Variants in EIF4E observed in about 807,000 individuals in gnomAD.
EIF4E encodes the protein eIF-4F 25 kDa subunit.
For synonymous variants in EIF4E, 71 were observed against 88.5 expected, an observed-to-expected ratio of 0.80 and a Z score of 1.11; for missense variants, 113 against 265.6, an observed-to-expected ratio of 0.43 and a Z score of 3.99.
intron 2 of EIF4E, among the ~76,000 whole-genome samples, chr4:98,898,591 T>C (rs1003677198): frequency 5.3e-5 from 8 of 151,112 alleles, no homozygotes; most frequent in Non-Finnish European, 2.9e-5. Context: ...AAAAAACAGA[T>C]GGCAAAAATG....
intron 1 of EIF4E, among the ~76,000 whole-genome samples, chr4:98,913,079 G>A (rs529640334): frequency 2.6e-5 from 4 of 151,572 alleles, no homozygotes; most frequent in East Asian, 1.9e-4. Context: ...GTAGTGGCAC[G>A]CGCCTGTAAT....
chr4:98,887,811 G>T lies in EIF4E; in HGVS notation c.285+78C>A. On this transcript the variant is annotated intron_variant, in intron 4 of 6. Coordinates refer to ENST00000450253, the MANE Select transcript of EIF4E (RefSeq NM_001968.5). The surrounding 1 kb of genome is among the most constrained non-coding windows in gnomAD (Gnocchi z 4.0). ...TCATCACACTATCAAATATTCCTAA[G>T]TTTATGGTAAGATTTCTTAATGAAT... 1 of 1,325,056 alleles carries T rather than the reference G, an allele frequency of 7.5e-7. No homozygotes were observed. The highest frequency in any genetic ancestry group is 1.1e-6 in the Non-Finnish European group (1 of 931,934). 82.1% of individuals were successfully genotyped at this position (1,325,056 alleles called of 1,614,324 possible).
At chr4:98,893,706 G>C (rs1290293278) in intron 2 of EIF4E, among the ~76,000 whole-genome samples, 1 of 152,170 alleles carries the variant, frequency 6.6e-6, no homozygotes, top group Non-Finnish European at 1.5e-5. Flanking sequence ...CTAAAGTCTT[G>C]AACGCTTCAA....
chr4:98,915,732 G>C (rs1560651753), intron 1 of EIF4E, among the ~76,000 whole-genome samples: 2 of 151,404 alleles, frequency 1.3e-5, no homozygotes, highest in East Asian at 4.0e-4. Flanking sequence ...AGTAGAGATG[G>C]GGTTTCGCCA....
intron 1 of EIF4E, 123 bp downstream of exon 1, chr4:98,928,972 T>C (rs759809342): frequency 1.3e-5 from 20 of 1,576,264 alleles, no homozygotes; most frequent in Admixed American, 5.5e-5. Context: ...AGGTCCAACA[T>C]GAAGGGGAAG....
At chr4:98,886,566 T>C in intron 5 of EIF4E, 1 of 408,082 alleles carries the variant, frequency 2.5e-6, no homozygotes, top group South Asian at 1.8e-5. Flanking sequence ...AATTAGAAAA[T>C]TAGCTGGGCA....
At chr4:98,925,752 T>G (rs1725838079) in intron 1 of EIF4E, among the ~76,000 whole-genome samples, 1 of 152,168 alleles carries the variant, frequency 6.6e-6, no homozygotes, top group African/African-American at 2.4e-5. Flanking sequence ...TGTTTATGAT[T>G]ATGCACAGCA....
intron 1 of EIF4E, among the ~76,000 whole-genome samples, chr4:98,903,721 C>CA (rs1724747594): frequency 6.6e-6 from 1 of 152,108 alleles, no homozygotes; most frequent in Non-Finnish European, 1.5e-5. Flanking sequence ...GTACTTAACC[C>CA]AACAGGAACT....
rs574435813 is a variant in EIF4E at position 98,891,604 on chromosome 4, A to T, written c.126-272T>A. ...CTGTATGATTCCACTTATATGAGGT[A>T]TAAGAAGTCAAATTCATAGAAACAA... On this transcript the variant is annotated intron_variant, in intron 2 of 6. Coordinates refer to ENST00000450253, the MANE Select transcript of EIF4E (RefSeq NM_001968.5). 3.1e-5 allele frequency: 12 copies of T among 382,828 alleles called. No individual in the cohort carries two copies. In the Admixed American group the frequency reaches 3.5e-4, roughly 11 times the overall value. The allele number at this position is 382,828 out of a possible 1,614,324, so 23.7% of individuals were successfully genotyped here. A position where few individuals can be genotyped will look rare whatever the true frequency, so the allele number is the denominator to read the frequency against.
intron 2 of EIF4E, 107 bp from the exon 3 acceptor site, chr4:98,891,439 AG>A: frequency 1.1e-6 from 1 of 909,948 alleles, no homozygotes; most frequent in African/African-American, 1.7e-5. Flanking sequence ...GTCCATCAAC[AG>A]ATGAATGAAA....
rs767631331 is a variant in EIF4E, at chr4:98,911,661, CAAAAAAAAA to C, written c.19-9688_19-9680del. On this transcript the variant is annotated intron_variant, in intron 1 of 6. Transcript: ENST00000450253. Reference sequence around the variant, plus strand: ...GGGCAACAAGAGCGAAACTCTGTCTCAAAAAAAAAAAAAAAAAAAAAAAAAGAAGACTTG... The same window carrying C: ...GGGCAACAAGAGCGAAACTCTGTCTCAAAAAAAAAAAAAAAAGAAGACTTG... 1.5e-4 allele frequency among the ~76,000 whole-genome samples: 9 copies of C among 60,042 alleles called. 1 individual carries two copies. Among genetic ancestry groups the C allele is most frequent in the African/African-American group, 4.3e-4 (7 of 16,166 alleles). The allele number at this position is 60,042 out of a possible 152,430, so 39.4% of individuals were successfully genotyped here.
rs1230458797 is a variant in EIF4E at position 98,887,706 on chromosome 4, C to G, written c.285+183G>C. Among the ~76,000 whole-genome samples the G allele has an allele frequency of 1.3e-5, 2 of 152,140 alleles. No individual in the cohort carries two copies. Among genetic ancestry groups the G allele is most frequent in the Non-Finnish European group, 2.9e-5 (2 of 68,032 alleles). On this transcript the variant is annotated intron_variant, in intron 4 of 6. Transcript: ENST00000450253. The surrounding 1 kb of genome is among the most constrained non-coding windows in gnomAD (Gnocchi z 4.0). ...CTCAGTATGTGCCCACAGAGTAACTCTCTCTCAATTTTTATAAACAAATAG... is the reference window on the plus strand; with the variant it reads ...CTCAGTATGTGCCCACAGAGTAACTGTCTCTCAATTTTTATAAACAAATAG...
chr4:98,920,043 A>C (rs774128480), intron 1 of EIF4E, among the ~76,000 whole-genome samples: 1 of 152,204 alleles, frequency 6.6e-6, no homozygotes, highest in African/African-American at 2.4e-5. Flanking sequence ...TACCCTTTCC[A>C]TTATCTCAGA....
intron 1 of EIF4E, 61 bp from the exon 2 acceptor site, chr4:98,902,043 T>C: frequency 6.8e-7 from 1 of 1,477,542 alleles, no homozygotes; most frequent in Non-Finnish European, 9.4e-7. Context: ...GACAGCAATA[T>C]TCTAACTAAA....
intron 1 of EIF4E, among the ~76,000 whole-genome samples, chr4:98,917,113 CACACACACACACACACACACAAAA>C (rs754951693): frequency 0.022 from 1,814 of 82,382 alleles, 17 homozygotes; most frequent in Non-Finnish European, 0.028. Context: ...CACACACACA[CACACACACACACACACACACAAAA>C]AAAACCCAAA....
chr4:98,913,637 C>T (rs1725247161), intron 1 of EIF4E, among the ~76,000 whole-genome samples: 1 of 151,986 alleles, frequency 6.6e-6, no homozygotes, highest in Non-Finnish European at 1.5e-5. Context: ...AATCACCTTT[C>T]AAAAGAAAAT....
chr4:98,886,531 T>A (rs201302296), intron 5 of EIF4E: 2 of 426,926 alleles, frequency 4.7e-6, no homozygotes, highest in African/African-American at 4.1e-5. Flanking sequence ...CTGGGCAACA[T>A]AGCAAGATCC....
At chr4:98,902,067 G>A in intron 1 of EIF4E, 85 bp from the exon 2 acceptor site, 1 of 1,334,076 alleles carries the variant, frequency 7.5e-7, no homozygotes, top group Admixed American at 1.8e-5. Context: ...GAACTGATAT[G>A]CTGATAATTT....
chr4:98,885,172 T>C, intron 5 of EIF4E, 111 bp from the exon 6 acceptor site: 2 of 1,275,538 alleles, frequency 1.6e-6, no homozygotes, highest in South Asian at 2.7e-5. Context: ...AAATCAAGAG[T>C]TAATTTTTTA....
Sources: allele counts gnomAD v4.1 joint callset (sites outside exome capture counted in the v4.1 genomes callset), GRCh38; gene constraint gnomAD v4.1.1; non-coding constraint Gnocchi (gnomAD v3.1); transcripts MANE v1.5; gene names NCBI Gene and HGNC (gene_info 2026-07-23, HGNC 2026-07-21).